Variants in LHFPL6 observed in about 807,000 individuals in gnomAD.
LHFPL6 encodes the protein LHFPL tetraspan subfamily member 6 protein.
In LHFPL6, 9 loss-of-function variants were observed where a neutral mutation model predicts 20.6. The observed-to-expected ratio is 0.44, with a 90% CI of 0.26 to 0.76. The LOEUF (loss-of-function observed/expected upper bound fraction) is 0.76, where lower values mean the gene tolerates loss of function less well. Among genes scored for constraint, LHFPL6 ranks in the 30% least tolerant of loss-of-function variants. LHFPL6 has a pLI of 0.20. For missense variants in LHFPL6, 218 were observed against 253.5 expected (o/e 0.86, Z 0.95); for synonymous variants, 105 against 98.7 (o/e 1.06, Z -0.38).
intron 2 of LHFPL6, among the ~76,000 whole-genome samples, chr13:39,525,764 A>C (rs1870265965): frequency 6.6e-6 from 1 of 152,244 alleles, no homozygotes; most frequent in African/African-American, 2.4e-5. Flanking sequence ...GGAAATGTTC[A>C]TAACTGTATG....
chr13:39,528,365 A>C (rs765240538), intron 2 of LHFPL6, among the ~76,000 whole-genome samples: 378 of 152,320 alleles, frequency 2.5e-3, no homozygotes, highest in Non-Finnish European at 3.2e-3. Context: ...CCAACTTAGA[A>C]AGAGAAATTA....
intron 2 of LHFPL6, among the ~76,000 whole-genome samples, chr13:39,547,706 C>T (rs1156241640): frequency 6.6e-6 from 1 of 152,044 alleles, no homozygotes; most frequent in African/African-American, 2.4e-5. Flanking sequence ...ACACTTTTTA[C>T]AAATCAAAGA....
intron 2 of LHFPL6, among the ~76,000 whole-genome samples, chr13:39,597,227 T>A (rs192109583): frequency 2.6e-5 from 4 of 152,298 alleles, no homozygotes; most frequent in Non-Finnish European, 4.4e-5. Context: ...CTTTGGTACT[T>A]CCTCATTACT....
Position 39,533,127 on chromosome 13 carries a change from A to C in LHFPL6, c.385+67705T>G, listed in dbSNP as rs542155101. On this transcript the variant is annotated intron_variant, in intron 2 of 3. Coordinates refer to ENST00000379589, the MANE Select transcript of LHFPL6 (RefSeq NM_005780.3). The stretch of plus-strand genomic sequence containing the variant: ...AACCTTGGACTCTAGACTGCTCTAA[A>C]ACTAGTCATTTGTATCTCCAATATT... Among the ~76,000 whole-genome samples, 14 of 152,304 alleles carry C rather than the reference A, an allele frequency of 9.2e-5. No homozygotes were observed. The South Asian group carries it at 1.4e-3, about 16-fold the overall frequency.
chr13:39,497,265 T>G (rs1299759393), intron 2 of LHFPL6, among the ~76,000 whole-genome samples: 4 of 152,170 alleles, frequency 2.6e-5, no homozygotes, highest in Admixed American at 2.0e-4. Flanking sequence ...CCACAAGCAC[T>G]GTACTTACCG....
chr13:39,424,315 C>T (rs1388504666), intron 2 of LHFPL6, among the ~76,000 whole-genome samples: 1 of 151,934 alleles, frequency 6.6e-6, no homozygotes, highest in Admixed American at 6.6e-5. Context: ...AAAGGAATCA[C>T]ACAATAAAGG....
chr13:39,544,487 T>C (rs1214262985), intron 2 of LHFPL6, among the ~76,000 whole-genome samples: 3 of 151,782 alleles, frequency 2.0e-5, no homozygotes, highest in Non-Finnish European at 4.4e-5. Flanking sequence ...CTACCACTTG[T>C]CTTCACTAAG....
chr13:39,378,453 G>A lies in LHFPL6; in HGVS notation c.459C>T (p.Gly153=), dbSNP rs867602575. Residue 153 remains glycine, a synonymous_variant, in exon 3 of 4, where the codon GGC becomes GGT. Coordinates refer to ENST00000379589, the MANE Select transcript of LHFPL6 (RefSeq NM_005780.3). The part of the protein sequence containing the change: ...WDSEEVRQTC[G]YTSGQFDLGK... ...CCAGGTCAAACTGGCCAGAAGTGTA[G>A]CCACAAGTCTGCCGGACTTCCTCAC... is the stretch of plus-strand genomic sequence containing the variant. 1.9e-6 allele frequency: 3 copies of A among 1,613,914 alleles called. No individual in the cohort carries two copies. The highest frequency in any genetic ancestry group is 1.7e-4 in the Middle Eastern group (1 of 6,060).
chr13:39,404,101 C>T (rs1038502715), intron 2 of LHFPL6, among the ~76,000 whole-genome samples: 4 of 152,134 alleles, frequency 2.6e-5, no homozygotes, highest in African/African-American at 9.7e-5. Context: ...CTGCTTTGTG[C>T]CTGCTTTGCT....
At chr13:39,575,598 A>G (rs1872089433) in intron 2 of LHFPL6, among the ~76,000 whole-genome samples, 1 of 152,186 alleles carries the variant, frequency 6.6e-6, no homozygotes, top group Admixed American at 6.5e-5. Context: ...GCTTTTAGTA[A>G]CAAGTGATAA....
At chr13:39,577,809 C>CT (rs548310803) in intron 2 of LHFPL6, among the ~76,000 whole-genome samples, 38 of 145,952 alleles carry the variant, frequency 2.6e-4, no homozygotes, top group South Asian at 4.4e-4. Flanking sequence ...AATTTCTGTA[C>CT]TTTTTTTTTT....
rs188876076 is a variant in LHFPL6 at position 39,419,146 on chromosome 13, C to T, written c.386-40620G>A. 1.9e-4 allele frequency among the ~76,000 whole-genome samples: 29 copies of T among 152,266 alleles called. No individual in the cohort carries two copies. In the East Asian group the frequency reaches 5.6e-3, roughly 29 times the overall value. On this transcript the variant is annotated intron_variant, in intron 2 of 3. Transcript: ENST00000379589. ...TCTACTTAGCTTCTGGAGACAGCTT[C>T]AACAAAACCCAGAACAGGCTGCACT...
intron 2 of LHFPL6, among the ~76,000 whole-genome samples, chr13:39,551,460 T>G (rs1439528856): frequency 6.6e-6 from 1 of 152,238 alleles, no homozygotes; most frequent in East Asian, 1.9e-4. Flanking sequence ...GCATTGGGGA[T>G]TAAATTTCCA....
intron 2 of LHFPL6, among the ~76,000 whole-genome samples, chr13:39,481,041 A>C (rs1442152650): frequency 6.6e-6 from 1 of 152,206 alleles, no homozygotes; most frequent in African/African-American, 2.4e-5. Flanking sequence ...GCAAATTATT[A>C]ATGAATATCA....
chr13:39,494,311 G>A (rs1353712869), intron 2 of LHFPL6, among the ~76,000 whole-genome samples: 1 of 152,226 alleles, frequency 6.6e-6, no homozygotes, highest in Non-Finnish European at 1.5e-5. Flanking sequence ...GCAGTTCGTG[G>A]CATTTTTTAC....
At chr13:39,595,093 T>C (rs1872729874) in intron 2 of LHFPL6, among the ~76,000 whole-genome samples, 2 of 152,104 alleles carry the variant, frequency 1.3e-5, no homozygotes. Flanking sequence ...GTTGTGCACA[T>C]GTACCCTAAA....
intron 2 of LHFPL6, among the ~76,000 whole-genome samples, chr13:39,578,144 C>T (rs536114878): frequency 2.2e-4 from 33 of 152,254 alleles, no homozygotes; most frequent in Admixed American, 4.6e-4. Context: ...CAACCCATAT[C>T]ACTGGAAATT....
intron 2 of LHFPL6, among the ~76,000 whole-genome samples, chr13:39,536,651 C>T (rs1354200207): frequency 6.6e-6 from 1 of 152,166 alleles, no homozygotes. Context: ...AGTCCAGCAG[C>T]TCTCCCTATC....
intron 2 of LHFPL6, among the ~76,000 whole-genome samples, chr13:39,437,686 G>A (rs1446795216): frequency 2.0e-5 from 3 of 152,054 alleles, no homozygotes; most frequent in Non-Finnish European, 2.9e-5. Context: ...GGCGGATCAC[G>A]AGGTCAGGAG....
Sources: allele counts gnomAD v4.1 joint callset (sites outside exome capture counted in the v4.1 genomes callset), GRCh38; gene constraint gnomAD v4.1.1; transcripts MANE v1.5; gene names NCBI Gene and HGNC (gene_info 2026-07-23, HGNC 2026-07-21).